The following SLFN14 variants were observed in gnomAD, a reference collection of about 807,000 sequenced individuals.
SLFN14 encodes schlafen family member 14.
In SLFN14, 47 loss-of-function variants were observed where a neutral mutation model predicts 58.6. The observed-to-expected ratio is 0.80, with a 90% CI of 0.64 to 1.02. The LOEUF (loss-of-function observed/expected upper bound fraction) is 1.02. SLFN14 is among the 50% of genes least tolerant of loss of function. The pLI is 0.00. For synonymous variants in SLFN14, 390 were observed against 387.3 expected (o/e 1.01, Z -0.08); for missense variants, 967 against 1,078.4 (o/e 0.90, Z 1.45).
Position 35,554,612 on chromosome 17 carries a change from TG to T in SLFN14, c.1152del (p.His384GlnfsTer14). The stretch of plus-strand genomic sequence containing the variant: ...TGTCGTTGCAGAGCCTCCTTAAATT[TG>T]TGGACTTTTATGGGATATCCGGGAC... Reference protein sequence around the residue: ...RKSPGYPIKVHKFKEALQRHL... With the variant: ...RKSPGYPIKVXKFKEALQRHL... On this transcript the variant is annotated frameshift_variant, in exon 4 of 6. Transcript: ENST00000674182. LOFTEE classifies it high-confidence loss of function. The T allele has an allele frequency of 6.5e-7, 1 of 1,533,182 alleles. No homozygotes were observed. The highest frequency in any genetic ancestry group is 8.8e-7 in the Non-Finnish European group (1 of 1,138,082). The allele number at this position is 1,533,182 out of a possible 1,614,324, so 95.0% of individuals were successfully genotyped here.
At chr17:35,549,158 C>T (rs984290589) in intron 5 of SLFN14, 85 bp from the exon 6 acceptor site, 1 of 1,072,780 alleles carries the variant, frequency 9.3e-7, no homozygotes, top group Non-Finnish European at 1.3e-6. Flanking sequence ...GAATCAGAGG[C>T]TGATTCTCAT....
At chr17:35,556,320 C>G (rs1299701340) in intron 3 of SLFN14, among the ~76,000 whole-genome samples, 5 of 152,130 alleles carry the variant, frequency 3.3e-5, no homozygotes, top group Non-Finnish European at 7.4e-5. Context: ...CTGCGCCCAG[C>G]CTCAGAGTTA....
At position 35,554,719 on chromosome 17, in the gene SLFN14, G is replaced by A; in HGVS notation, c.1061-15C>T. ...ACTGGGAGGAGCTAGACAATTACAT[G>A]GAAAGTTGTTTCAGACAAAAAATAA... is the stretch of plus-strand genomic sequence containing the variant. On this transcript the variant is annotated splice_polypyrimidine_tract_variant and intron_variant, in intron 3 of 5. Coordinates refer to ENST00000674182, the MANE Select transcript of SLFN14 (RefSeq NM_001129820.2). The A allele has an allele frequency of 7.5e-7, 1 of 1,333,740 alleles. No individual in the cohort carries two copies. The highest frequency in any genetic ancestry group is 2.1e-5 in the South Asian group (1 of 48,520). The allele number at this position is 1,333,740 out of a possible 1,614,324, so 82.6% of individuals were successfully genotyped here.
chr17:35,552,378 C>T (rs905224913), intron 5 of SLFN14, among the ~76,000 whole-genome samples: 11 of 152,072 alleles, frequency 7.2e-5, no homozygotes, highest in East Asian at 5.8e-4. Flanking sequence ...AGCTCACACC[C>T]GACCAATCAG....
chr17:35,555,385 A>T (rs974213908), intron 3 of SLFN14, among the ~76,000 whole-genome samples: 3 of 151,428 alleles, frequency 2.0e-5, no homozygotes, highest in African/African-American at 7.3e-5. Flanking sequence ...AAAAAAAAAA[A>T]ATACAAAAAA....
intron 5 of SLFN14, among the ~76,000 whole-genome samples, chr17:35,550,889 CTG>C (rs2072579725): frequency 6.6e-6 from 1 of 152,142 alleles, no homozygotes; most frequent in Admixed American, 6.6e-5. Flanking sequence ...CAAAATCAAA[CTG>C]TATTTAAATT....
Position 35,545,550 on chromosome 17 carries a change from A to G in SLFN14, c.*2689T>C, listed in dbSNP as rs1223902214. Among the ~76,000 whole-genome samples, 1 of 152,164 alleles carries G rather than the reference A, an allele frequency of 6.6e-6. No homozygotes were observed. The highest frequency in any genetic ancestry group is 1.9e-4 in the East Asian group (1 of 5,200). The stretch of plus-strand genomic sequence containing the variant: ...TGCTCTGTAACCCAGGCTGGAGTGC[A>G]GTGGAGTAATCATAGGTCACTGTAG... On this transcript the variant is annotated 3_prime_UTR_variant, in exon 6 of 6. Transcript: ENST00000674182.
At position 35,553,414 on chromosome 17, in the gene SLFN14, T is replaced by C. The variant is rs1334698186; in HGVS notation, c.1220A>G (p.Glu407Gly). 4 of 1,550,194 alleles carry C rather than the reference T, an allele frequency of 2.6e-6. No individual in the cohort carries two copies. Among genetic ancestry groups the C allele is most frequent in the Non-Finnish European group, 3.5e-6 (4 of 1,146,330 alleles). The change falls in exon 5 of 6, where the codon GAA becomes GGA. Residue 407 changes from glutamate to glycine, a missense_variant. Coordinates refer to ENST00000674182, the MANE Select transcript of SLFN14 (RefSeq NM_001129820.2). ...TGAGAACAGCTTCTTACAGAGGGATTCTGGTTTAAATTGTACCTCTTCCTG... is the reference window on the plus strand; with the variant it reads ...TGAGAACAGCTTCTTACAGAGGGATCCTGGTTTAAATTGTACCTCTTCCTG... ...VTQEEVQFKP[E>G]SLCKKLFSDH...
At chr17:35,556,923 A>G (rs930952453) in intron 3 of SLFN14, 80 bp downstream of exon 3, 5 of 1,271,084 alleles carry the variant, frequency 3.9e-6, no homozygotes, top group East Asian at 2.5e-5. Flanking sequence ...TTTAACTAAC[A>G]TATGTGATCA....
rs1263967686 is a variant in SLFN14, at chr17:35,547,528, A to G, written c.*711T>C. Among the ~76,000 whole-genome samples the G allele has an allele frequency of 6.6e-6, 1 of 152,214 alleles. No individual in the cohort carries two copies. Among genetic ancestry groups the G allele is most frequent in the Admixed American group, 6.5e-5 (1 of 15,288 alleles). On this transcript the variant is annotated 3_prime_UTR_variant, in exon 6 of 6. Coordinates refer to ENST00000674182, the MANE Select transcript of SLFN14 (RefSeq NM_001129820.2). ...AAAAGCATTTGACCCACTTATGACT[A>G]TGGTCCTCACTATAAATTAACAGAG...
intron 3 of SLFN14, among the ~76,000 whole-genome samples, chr17:35,556,194 C>T (rs747348702): frequency 8.6e-4 from 131 of 152,022 alleles, no homozygotes; most frequent in Non-Finnish European, 1.4e-3. Flanking sequence ...TACACCACCA[C>T]GCCTGGCTAA....
rs1286288710 is a variant in SLFN14, at chr17:35,544,548, G to A, written c.*3691C>T. On this transcript the variant is annotated 3_prime_UTR_variant, in exon 6 of 6. Coordinates refer to ENST00000674182, the MANE Select transcript of SLFN14 (RefSeq NM_001129820.2). Reference sequence around the variant, plus strand: ...AAGAACTTTTTTTTTTTTTTTTTGAGACAGAGTTTCACTCTTGTTGCCCAG... The same window carrying A: ...AAGAACTTTTTTTTTTTTTTTTTGAAACAGAGTTTCACTCTTGTTGCCCAG... Among the ~76,000 whole-genome samples the A allele has an allele frequency of 1.6e-5, 2 of 122,936 alleles. No individual in the cohort carries two copies. Among genetic ancestry groups the A allele is most frequent in the African/African-American group, 3.3e-5 (1 of 30,166 alleles). 80.7% of individuals were successfully genotyped at this position (122,936 alleles called of 152,430 possible). A position where few individuals can be genotyped will look rare whatever the true frequency, so the allele number is the denominator to read the frequency against.
At position 35,548,134 on chromosome 17, in the gene SLFN14, T is replaced by G; in HGVS notation, c.*105A>C. 9.1e-7 allele frequency: 1 copy of G among 1,097,490 alleles called. No homozygotes were observed. The highest frequency in any genetic ancestry group is 1.3e-6 in the Non-Finnish European group (1 of 781,902). 68.0% of individuals were successfully genotyped at this position (1,097,490 alleles called of 1,614,324 possible). A position where few individuals can be genotyped will look rare whatever the true frequency, so the allele number is the denominator to read the frequency against. On this transcript the variant is annotated 3_prime_UTR_variant, in exon 6 of 6. Coordinates refer to ENST00000674182, the MANE Select transcript of SLFN14 (RefSeq NM_001129820.2). ...TTTCTGTGGCTCCAGGCCATACTGA[T>G]GTGCCTTGATTTCCTCACTTGTAAT...
Position 35,546,829 on chromosome 17 carries a change from C to T in SLFN14, c.*1410G>A, listed in dbSNP as rs9894813. Among the ~76,000 whole-genome samples, 30,424 of 151,976 alleles carry T rather than the reference C, an allele frequency of 0.2. 3,219 individuals are homozygous for T. The highest frequency in any genetic ancestry group is 0.29 in the Middle Eastern group (85 of 294). On this transcript the variant is annotated 3_prime_UTR_variant, in exon 6 of 6. Coordinates refer to ENST00000674182, the MANE Select transcript of SLFN14 (RefSeq NM_001129820.2). ...GTAAGGATTTCAAAGGTGGAGGGGA[C>T]AGAAAAGGGTTTAAAGACTGAGAAA...
In SLFN14 at chr17:35,557,132, C is replaced by T; in HGVS notation, c.931G>A (p.Val311Met). The change falls in exon 3 of 6, where the codon GTG (valine) becomes ATG (methionine). Residue 311 changes from valine to methionine, a missense_variant. Val to Met is a conservative substitution (Grantham distance 21). Transcript: ENST00000674182. Reference protein sequence around the residue: ...QKDVLDGYVCVIQVEPFCCVV... With the variant: ...QKDVLDGYVCMIQVEPFCCVV... ...CAACAGAAGGGCTCCACTTGAATCA[C>T]ACAGACATAACCATCCAGGACATCT... The T allele has an allele frequency of 1.3e-6, 2 of 1,551,738 alleles. No homozygotes were observed. Among genetic ancestry groups the T allele is most frequent in the Middle Eastern group, 3.3e-4 (2 of 5,992 alleles).
At chr17:35,559,271 G>A (rs1227018394) in intron 2 of SLFN14, among the ~76,000 whole-genome samples, 1 of 152,002 alleles carries the variant, frequency 6.6e-6, no homozygotes, top group Non-Finnish European at 1.5e-5. Context: ...ATATTTTTAT[G>A]TATTATTTCA....
chr17:35,551,007 C>G (rs2072580643), intron 5 of SLFN14, among the ~76,000 whole-genome samples: 1 of 151,948 alleles, frequency 6.6e-6, no homozygotes, highest in South Asian at 2.1e-4. Flanking sequence ...TTCATTTCTA[C>G]TTCTCTTAAA....
At chr17:35,552,651 C>CGT (rs1567711475) in intron 5 of SLFN14, 79 bp downstream of exon 5, 4 of 487,548 alleles carry the variant, frequency 8.2e-6, no homozygotes, top group Non-Finnish European at 1.3e-5. Flanking sequence ...TATATATACA[C>CGT]ATATATATAC....
intron 5 of SLFN14, among the ~76,000 whole-genome samples, chr17:35,551,294 A>G (rs2072583816): frequency 6.6e-6 from 1 of 152,084 alleles, no homozygotes; most frequent in African/African-American, 2.4e-5. Context: ...TGTGCAACCA[A>G]CTCCCAGCAC....
Sources: gnomAD v4.1 joint callset for allele counts (sites outside exome capture counted in the v4.1 genomes callset) on GRCh38, gnomAD v4.1.1 for gene constraint, MANE v1.5 for transcripts, NCBI Gene and HGNC (gene_info 2026-07-23, HGNC 2026-07-21) for gene names.